Variants in PCSK5 observed in about 807,000 individuals in gnomAD.
The protein encoded by PCSK5 is prohormone convertase 5.
A neutral mutation model predicts 233.2 loss-of-function variants in PCSK5; 129 were observed. The ratio of observed to expected loss-of-function variants is 0.55; its 90% CI spans 0.48 to 0.64. PCSK5 has a LOEUF of 0.64. PCSK5 is among the 30% of genes least tolerant of loss of function. PCSK5 has a pLI of 0.00. For missense variants in PCSK5, 2,076 were observed against 2,430.1 expected, an observed-to-expected ratio of 0.85 and a Z score of 3.06; for synonymous variants, 825 against 879.2, an observed-to-expected ratio of 0.94 and a Z score of 1.09.
At chr9:75,903,196 T>A (rs938971922) in intron 1 of PCSK5, among the ~76,000 whole-genome samples, 3 of 152,180 alleles carry the variant, frequency 2.0e-5, no homozygotes, top group African/African-American at 7.2e-5. Context: ...CTTTACTACC[T>A]TATAGGAATA....
At position 76,345,909 on chromosome 9, in the gene PCSK5, A is replaced by T. The variant is rs1207251280; in HGVS notation, c.4967-4919A>T. On this transcript the variant is annotated intron_variant, in intron 35 of 37. Coordinates refer to ENST00000674117, the MANE Select transcript of PCSK5 (RefSeq NM_001372043.1). ...TAATTTTTGTATTTTTAGTAGAGAC[A>T]CGGTTTCACCATGTTGGCCAGGCTG... is the stretch of plus-strand genomic sequence containing the variant. Among the ~76,000 whole-genome samples, 3 of 151,786 alleles carry T rather than the reference A, an allele frequency of 2.0e-5. No individual in the cohort carries two copies. In the East Asian group the frequency reaches 5.8e-4, roughly 29 times the overall value.
intron 3 of PCSK5, among the ~76,000 whole-genome samples, chr9:76,016,470 A>G (rs1217824828): frequency 1.3e-5 from 2 of 152,226 alleles, no homozygotes; most frequent in Admixed American, 1.3e-4. Context: ...GAACTGAGGT[A>G]CTTGAGATTG....
At chr9:75,965,312 G>C (rs1370138099) in intron 2 of PCSK5, among the ~76,000 whole-genome samples, 2 of 150,722 alleles carry the variant, frequency 1.3e-5, no homozygotes, top group Non-Finnish European at 1.5e-5. Context: ...GAGAAAGAGA[G>C]ATACTAATTA....
At chr9:76,293,270 T>C (rs558860071) in intron 25 of PCSK5, among the ~76,000 whole-genome samples, 1 of 151,754 alleles carries the variant, frequency 6.6e-6, no homozygotes, top group South Asian at 2.1e-4. Context: ...GTAAAAGGAG[T>C]GTGGAGGATG....
chr9:76,201,850 T>G (rs1035682629), intron 20 of PCSK5, among the ~76,000 whole-genome samples: 1 of 152,178 alleles, frequency 6.6e-6, no homozygotes, highest in Non-Finnish European at 1.5e-5. Context: ...CTAGCCCAAG[T>G]TGAAATGAAG....
At chr9:76,119,996 T>A (rs879511478) in intron 9 of PCSK5, among the ~76,000 whole-genome samples, 4 of 152,050 alleles carry the variant, frequency 2.6e-5, no homozygotes, top group Non-Finnish European at 5.9e-5. Context: ...ACTTTCTATA[T>A]TCATAAATTC....
intron 32 of PCSK5, among the ~76,000 whole-genome samples, chr9:76,324,222 G>C (rs182114281): frequency 6.6e-6 from 1 of 151,138 alleles, no homozygotes; most frequent in South Asian, 2.1e-4. Flanking sequence ...CATGGCGCTC[G>C]GTCCATATTT....
intron 21 of PCSK5, among the ~76,000 whole-genome samples, chr9:76,231,381 A>C (rs534190481): frequency 6.6e-6 from 1 of 152,230 alleles, no homozygotes; most frequent in Non-Finnish European, 1.5e-5. Context: ...GGGTGGGGAC[A>C]CAGCCAAATC....
intron 3 of PCSK5, among the ~76,000 whole-genome samples, chr9:76,018,019 A>AAAAAAAAAAG (rs1563975083): frequency 2.7e-5 from 4 of 150,936 alleles, no homozygotes; most frequent in African/African-American, 7.3e-5. Context: ...AAAAAAAAAA[A>AAAAAAAAAAG]TGTGTGAGGG....
At chr9:76,201,002 G>T (rs927632468) in intron 20 of PCSK5, among the ~76,000 whole-genome samples, 1 of 152,172 alleles carries the variant, frequency 6.6e-6, no homozygotes, top group Admixed American at 6.5e-5. Context: ...GGCCAGATTT[G>T]CTCAGTCCCC....
intron 20 of PCSK5, chr9:76,194,259 T>C (rs1037860261): frequency 6.6e-6 from 1 of 152,108 alleles, no homozygotes; most frequent in African/African-American, 2.4e-5. Flanking sequence ...TTAAAGGCCA[T>C]CTGAAATTCC....
At chr9:76,350,699 G>T (rs753096789) in intron 35 of PCSK5, 129 bp from the exon 36 acceptor site, 3 of 624,696 alleles carry the variant, frequency 4.8e-6, no homozygotes, top group African/African-American at 3.8e-5. Flanking sequence ...TTTCTTTTTC[G>T]TATCCTCAAT....
intron 7 of PCSK5, among the ~76,000 whole-genome samples, chr9:76,095,652 C>T (rs1362471620): frequency 6.6e-6 from 1 of 151,830 alleles, no homozygotes; most frequent in Non-Finnish European, 1.5e-5. Context: ...TTGAATTGTG[C>T]TTTGTCCATA....
intron 12 of PCSK5, among the ~76,000 whole-genome samples, chr9:76,168,282 G>A (rs1823173146): frequency 1.3e-5 from 2 of 152,096 alleles, no homozygotes; most frequent in African/African-American, 4.8e-5. Flanking sequence ...CCCCTGAGTA[G>A]TGGGACTACA....
intron 9 of PCSK5, among the ~76,000 whole-genome samples, chr9:76,123,049 G>T (rs1832709112): frequency 6.6e-6 from 1 of 151,710 alleles, no homozygotes; most frequent in Non-Finnish European, 1.5e-5. Context: ...TCATCATGTT[G>T]GCCAGGCTGG....
chr9:76,351,533 G>GAAAGAAAGAAAAGAAAGA (rs1354864321), intron 36 of PCSK5, among the ~76,000 whole-genome samples: 1 of 15,824 alleles, frequency 6.3e-5, no homozygotes, highest in African/African-American at 1.0e-4. Flanking sequence ...AGAAAGAAAG[G>GAAAGAAAGAAAAGAAAGA]AAGGAAAGAA....
chr9:76,126,613 CAAAA>C (rs1378510964), intron 9 of PCSK5, among the ~76,000 whole-genome samples: 1 of 146,156 alleles, frequency 6.8e-6, no homozygotes, highest in Non-Finnish European at 1.5e-5. Context: ...AACTCCATCT[CAAAA>C]AAAAAACCGT....
intron 35 of PCSK5, among the ~76,000 whole-genome samples, chr9:76,340,849 C>A (rs1829813478): frequency 6.6e-6 from 1 of 151,880 alleles, no homozygotes; most frequent in Non-Finnish European, 1.5e-5. Context: ...TTGTTTTAGA[C>A]TGTGTTCAGT....
intron 3 of PCSK5, among the ~76,000 whole-genome samples, chr9:76,003,158 C>G (rs1827332231): frequency 6.6e-6 from 1 of 152,202 alleles, no homozygotes; most frequent in Non-Finnish European, 1.5e-5. Flanking sequence ...CATCCCTCCC[C>G]AGTAGAAATC....
Sources: allele counts gnomAD v4.1 joint callset (sites outside exome capture counted in the v4.1 genomes callset), GRCh38; gene constraint gnomAD v4.1.1; transcripts MANE v1.5; gene names NCBI Gene and HGNC (gene_info 2026-07-23, HGNC 2026-07-21).